Variants in PWWP3B observed in about 807,000 individuals in gnomAD.
PWWP3B encodes PWWP domain-containing DNA repair factor 3B.
PWWP3B carries 5 observed loss-of-function variants against 15.7 expected under a neutral mutation model. That is an observed-to-expected ratio of 0.32 (90% CI 0.17 to 0.67). The LOEUF is 0.67. PWWP3B is among the 30% of genes least tolerant of loss of function. The pLI, the probability that PWWP3B is intolerant of heterozygous loss-of-function variation, is 0.74. For synonymous variants in PWWP3B, 203 were observed against 179.8 expected (o/e 1.13, Z -1.03); for missense variants, 519 against 493.1 (o/e 1.05, Z -0.50).
In PWWP3B at chrX:106,168,338, T is replaced by C. The variant is rs1458682093; in HGVS notation, c.-616T>C. On this transcript the variant is annotated 5_prime_UTR_variant, in exon 1 of 4. Coordinates refer to ENST00000357175, the MANE Select transcript of PWWP3B (RefSeq NM_001171020.2). ...GGGAGGAGCTGCATTACACACAGGC[T>C]TCGGAGGCTTCCGTGGAGAAGCTTG... is the stretch of plus-strand genomic sequence containing the variant. 1.8e-5 allele frequency: 2 copies of C among 111,664 alleles called. No homozygotes were observed. Among genetic ancestry groups the C allele is most frequent in the Admixed American group, 9.5e-5 (1 of 10,511 alleles). 9.2% of individuals were successfully genotyped at this position (111,664 alleles called of 1,213,427 possible).
chrX:106,187,104 G>A (rs1050041665), intron 2 of PWWP3B, among the ~76,000 whole-genome samples: 1 of 111,164 alleles, frequency 9.0e-6, no homozygotes, highest in African/African-American at 3.3e-5. Flanking sequence ...TTTTTCTATG[G>A]GTGTCTCAGA....
In PWWP3B at chrX:106,207,507, C is replaced by T. The variant is rs1262739436; in HGVS notation, c.2075C>T (p.Thr692Ile). ...TATGAAAAGAGACGAAAAGCACCAA[C>T]AAATGAAGCTCACTAAATGTGCTGA... ...IIYEKRRKAP[T>I]NEAH The change falls in exon 4 of 4, where the codon ACA (threonine) becomes ATA (isoleucine). Residue 692 changes from threonine (T) to isoleucine (I), a missense_variant. By Grantham distance (89) the Thr-to-Ile change is moderately conservative (BLOSUM62 -1). Coordinates refer to ENST00000357175, the MANE Select transcript of PWWP3B (RefSeq NM_001171020.2). 3 of 1,141,606 alleles carry T rather than the reference C, an allele frequency of 2.6e-6. No individual in the cohort carries two copies. The African/African-American group carries it at 5.5e-5, about 21-fold the overall frequency. 94.1% of individuals were successfully genotyped at this position (1,141,606 alleles called of 1,213,427 possible). A position where few individuals can be genotyped will look rare whatever the true frequency, so the allele number is the denominator to read the frequency against.
chrX:106,194,536 C>A (rs1260512134), intron 2 of PWWP3B, among the ~76,000 whole-genome samples: 1 of 112,149 alleles, frequency 8.9e-6, no homozygotes, highest in Admixed American at 9.5e-5. Flanking sequence ...CTTCTTCTCT[C>A]AGCTTGTCAA....
At chrX:106,191,058 G>C (rs1376462575) in intron 2 of PWWP3B, among the ~76,000 whole-genome samples, 9 of 109,987 alleles carry the variant, frequency 8.2e-5, no homozygotes, top group African/African-American at 3.0e-4. Context: ...GAACTTTAAA[G>C]TAGTTTTTTC....
chrX:106,172,436 G>A (rs1306505812), intron 2 of PWWP3B, among the ~76,000 whole-genome samples: 4 of 110,127 alleles, frequency 3.6e-5, no homozygotes, highest in African/African-American at 1.3e-4. Flanking sequence ...TGTTCTATAA[G>A]CTTTTTTCCT....
At chrX:106,181,189 G>T (rs773778093) in intron 2 of PWWP3B, among the ~76,000 whole-genome samples, 1 of 112,017 alleles carries the variant, frequency 8.9e-6, no homozygotes, top group African/African-American at 3.2e-5. Context: ...GCTCTTAAAG[G>T]TGGCACGGGC....
intron 2 of PWWP3B, among the ~76,000 whole-genome samples, chrX:106,197,377 C>A (rs149453725): frequency 9.0e-6 from 1 of 111,363 alleles, no homozygotes; most frequent in Non-Finnish European, 1.9e-5. Flanking sequence ...TTTGCTTCTA[C>A]CCTTCCACCA....
In PWWP3B at chrX:106,207,436, A is replaced by G. The variant is rs1439850089; in HGVS notation, c.2004A>G (p.Pro668=). 35 of 1,166,800 alleles carry G rather than the reference A, an allele frequency of 3.0e-5. No individual in the cohort carries two copies. The highest frequency in any genetic ancestry group is 3.9e-5 in the Non-Finnish European group (34 of 872,760). The part of the protein sequence containing the change: ...EAAEAKYLKG[P]CLGYRERELF... Reference sequence around the variant, plus strand: ...CTGAAGCAAAGTATCTAAAAGGACCATGTCTAGGCTACAGGGAAAGAGAAT... The same window carrying G: ...CTGAAGCAAAGTATCTAAAAGGACCGTGTCTAGGCTACAGGGAAAGAGAAT... The change falls in exon 4 of 4, where the codon CCA becomes CCG. Residue 668 remains proline (P), a synonymous_variant. Coordinates refer to ENST00000357175, the MANE Select transcript of PWWP3B (RefSeq NM_001171020.2).
Position 106,205,785 on chromosome X carries a change from C to T in PWWP3B, c.353C>T (p.Ser118Phe). 8.3e-7 allele frequency: 1 copy of T among 1,211,157 alleles called. No individual in the cohort carries two copies. The highest frequency in any genetic ancestry group is 1.1e-6 in the Non-Finnish European group (1 of 895,287). The change falls in exon 4 of 4, where the codon TCT becomes TTT. Residue 118 changes from serine (S) to phenylalanine (F), a missense_variant. Physicochemically the swap from Ser to Phe is radical, Grantham distance 155. Transcript: ENST00000357175. ...GATGAAGAGGAGATCACTATGCTGT[C>T]TCAAAATGTACCACAAAAACAGTCC... ...TSDEEEITML[S>F]QNVPQKQSDS...
At position 106,207,187 on chromosome X, in the gene PWWP3B, A is replaced by G. The variant is rs1924092151; in HGVS notation, c.1755A>G (p.Ser585=). 1.7e-6 allele frequency: 2 copies of G among 1,206,472 alleles called. No homozygotes were observed. The highest frequency in any genetic ancestry group is 3.6e-5 in the South Asian group (2 of 55,979). Residue 585 remains serine (S), a synonymous_variant, in exon 4 of 4, where the codon TCA becomes TCG. Transcript: ENST00000357175. The part of the protein sequence containing the change: ...NGTKGSRWLK[S]FLNANRFTPC... ...CAAAAGGATCCAGATGGCTGAAATC[A>G]TTTTTGAATGCAAATAGGTTCACAC...
At chrX:106,171,382 T>C (rs915724769) in intron 2 of PWWP3B, among the ~76,000 whole-genome samples, 2 of 111,690 alleles carry the variant, frequency 1.8e-5, no homozygotes, top group Non-Finnish European at 3.8e-5. Context: ...AGAATCCATA[T>C]ATTATACCAC....
At position 106,207,111 on chromosome X, in the gene PWWP3B, T is replaced by C. The variant is rs777427181; in HGVS notation, c.1679T>C (p.Ile560Thr). The change falls in exon 4 of 4, where the codon ATT (isoleucine) becomes ACT (threonine). Residue 560 changes from isoleucine (I) to threonine (T), a missense_variant. Physicochemically the swap from Ile to Thr is moderately conservative, Grantham distance 89. Transcript: ENST00000357175. ...GCCAACAAGAACCTGGTGGACTTCATTGTGAATGCAAAGGGAACAGAGAAC... is the reference window on the plus strand; with the variant it reads ...GCCAACAAGAACCTGGTGGACTTCACTGTGAATGCAAAGGGAACAGAGAAC... ...DRANKNLVDF[I>T]VNAKGTENHL... 2 of 1,206,811 alleles carry C rather than the reference T, an allele frequency of 1.7e-6. No homozygotes were observed. Among genetic ancestry groups the C allele is most frequent in the Non-Finnish European group, 1.1e-6 (1 of 892,753 alleles).
Position 106,207,605 on chromosome X carries a change from A to G in PWWP3B, c.*82A>G. ...GTCTCTGAACAATTCTCTCTAATAC[A>G]TATTTTCTGCAAATGGGAGCATGGA... is the stretch of plus-strand genomic sequence containing the variant. On this transcript the variant is annotated 3_prime_UTR_variant, in exon 4 of 4. Coordinates refer to ENST00000357175, the MANE Select transcript of PWWP3B (RefSeq NM_001171020.2). 1 of 958,827 alleles carries G rather than the reference A, an allele frequency of 1.0e-6. No individual in the cohort carries two copies. Among genetic ancestry groups the G allele is most frequent in the Non-Finnish European group, 1.4e-6 (1 of 728,382 alleles). 79.0% of individuals were successfully genotyped at this position (958,827 alleles called of 1,213,427 possible).
intron 2 of PWWP3B, among the ~76,000 whole-genome samples, chrX:106,199,431 T>G (rs1923571281): frequency 1.8e-5 from 2 of 111,731 alleles, no homozygotes; most frequent in South Asian, 7.5e-4. Context: ...AGAGAGGCTT[T>G]GGTAAGATAG....
chrX:106,197,955 G>A (rs187857875), intron 2 of PWWP3B, among the ~76,000 whole-genome samples: 26 of 111,772 alleles, frequency 2.3e-4, no homozygotes, highest in Admixed American at 1.9e-3. Flanking sequence ...ATACGTATGG[G>A]TCTTATTTGG....
rs776491785 is a variant in PWWP3B, at chrX:106,199,049, A to ATT, written c.-400-4920_-400-4919dup. Among the ~76,000 whole-genome samples the ATT allele has an allele frequency of 2.2e-3, 207 of 94,692 alleles. 1 individual carries two copies. The highest frequency in any genetic ancestry group is 5.8e-3 in the East Asian group (17 of 2,944). 82.2% of individuals were successfully genotyped at this position (94,692 alleles called of 115,157 possible). ...TAAGAATTTTGTTATTTTCATTGTA[A>ATT]TTTTTTTTTTTTTTTTTGAGACAGA... On this transcript the variant is annotated intron_variant, in intron 2 of 3. Coordinates refer to ENST00000357175, the MANE Select transcript of PWWP3B (RefSeq NM_001171020.2).
chrX:106,194,477 T>A (rs1298915822), intron 2 of PWWP3B, among the ~76,000 whole-genome samples: 4 of 111,693 alleles, frequency 3.6e-5, no homozygotes, highest in Non-Finnish European at 7.5e-5. Flanking sequence ...TTCTTTGCCA[T>A]CGGTTTGAAT....
At chrX:106,182,703 G>A (rs1365804558) in intron 2 of PWWP3B, among the ~76,000 whole-genome samples, 5 of 108,727 alleles carry the variant, frequency 4.6e-5, no homozygotes, top group Non-Finnish European at 9.6e-5. Flanking sequence ...GGGATGAAAA[G>A]CCATTCACTA....
chrX:106,206,035 AGATAAT>A lies in PWWP3B; in HGVS notation c.607_612del (p.Asn203_Asp204del). On this transcript the variant is annotated inframe_deletion, in exon 4 of 4. Transcript: ENST00000357175. ...GCGAGACTTTCCCTTCACTTTCGGA[AGATAAT>A]GATGAAAAAGAGAACAAGAATAAGA... is the stretch of plus-strand genomic sequence containing the variant. The A allele has an allele frequency of 1.7e-6, 2 of 1,209,783 alleles. No individual in the cohort carries two copies. Among genetic ancestry groups the A allele is most frequent in the Non-Finnish European group, 2.2e-6 (2 of 894,353 alleles).
Sources: allele counts gnomAD v4.1 joint callset (sites outside exome capture counted in the v4.1 genomes callset), GRCh38; gene constraint gnomAD v4.1.1; transcripts MANE v1.5; gene names NCBI Gene and HGNC (gene_info 2026-07-23, HGNC 2026-07-21).